Variants in ETV6 observed in about 807,000 individuals in gnomAD.
ETV6 encodes the protein transcription factor ETV6.
ETV6 carries 16 observed loss-of-function variants against 51.1 expected under a neutral mutation model. The ratio of observed to expected loss-of-function variants is 0.31; its 90% CI spans 0.21 to 0.48. The LOEUF (loss-of-function observed/expected upper bound fraction) is 0.48. ETV6 is among the 20% of genes least tolerant of loss of function. The probability of loss-of-function intolerance (pLI) is 0.99; values close to 1 mark genes in which losing one functional copy is unlikely to be tolerated. For missense variants in ETV6, 458 were observed against 594.8 expected (o/e 0.77, Z 2.39); for synonymous variants, 240 against 224.1 (o/e 1.07, Z -0.64).
At chr12:11,776,457 C>T (rs1017939682) in intron 2 of ETV6, among the ~76,000 whole-genome samples, 5 of 151,360 alleles carry the variant, frequency 3.3e-5, no homozygotes, top group Admixed American at 1.3e-4. Context: ...GTTTCCCAGG[C>T]TGGTCTCCAA....
chr12:11,849,065 TA>T (rs1565550480), intron 3 of ETV6, among the ~76,000 whole-genome samples: 1 of 152,216 alleles, frequency 6.6e-6, no homozygotes, highest in Admixed American at 6.5e-5. Flanking sequence ...CAAATAAATA[TA>T]ACATTTTTAA....
intron 2 of ETV6, among the ~76,000 whole-genome samples, chr12:11,814,961 G>A (rs1382108370): frequency 1.3e-5 from 2 of 152,112 alleles, no homozygotes; most frequent in African/African-American, 2.4e-5. Flanking sequence ...CAGCTTCAGC[G>A]CAGAAAACCC....
chr12:11,765,975 G>A (rs1024673375), intron 2 of ETV6, among the ~76,000 whole-genome samples: 1 of 152,176 alleles, frequency 6.6e-6, no homozygotes, highest in African/African-American at 2.4e-5. Context: ...CTTCATGAAA[G>A]CCGCAGGTAC....
chr12:11,752,395 C>A, intron 1 of ETV6, 55 bp from the exon 2 acceptor site: 2 of 1,573,232 alleles, frequency 1.3e-6, no homozygotes, highest in South Asian at 1.2e-5. Flanking sequence ...TACCTCCATT[C>A]CAAGCTTTCA....
chr12:11,688,533 G>A (rs556973526), intron 1 of ETV6, among the ~76,000 whole-genome samples: 1 of 152,314 alleles, frequency 6.6e-6, no homozygotes, highest in South Asian at 2.1e-4. Flanking sequence ...CTGTCCCACT[G>A]GTGATAAGCT....
intron 1 of ETV6, among the ~76,000 whole-genome samples, chr12:11,666,717 T>C (rs1447579797): frequency 6.6e-6 from 1 of 152,226 alleles, no homozygotes; most frequent in East Asian, 1.9e-4. Flanking sequence ...TGAAAACTTT[T>C]AGCTTCCTGA....
At chr12:11,693,352 T>TTCAGTTTTAC (rs1864805842) in intron 1 of ETV6, among the ~76,000 whole-genome samples, 1 of 152,178 alleles carries the variant, frequency 6.6e-6, no homozygotes, top group African/African-American at 2.4e-5. Context: ...TGTGAGTCTC[T>TTCAGTTTTAC]TCAGTTTTGG....
At chr12:11,711,060 A>G (rs1262182839) in intron 1 of ETV6, among the ~76,000 whole-genome samples, 1 of 152,184 alleles carries the variant, frequency 6.6e-6, no homozygotes, top group Non-Finnish European at 1.5e-5. Flanking sequence ...GACCACAGCA[A>G]ATGTTAAATA....
chr12:11,652,123 T>G (rs1863917947), intron 1 of ETV6, among the ~76,000 whole-genome samples: 1 of 152,266 alleles, frequency 6.6e-6, no homozygotes, highest in African/African-American at 2.4e-5. Flanking sequence ...AGGGTGCCTC[T>G]TTTCATTACT....
intron 2 of ETV6, among the ~76,000 whole-genome samples, chr12:11,820,841 G>A (rs763822115): frequency 3.7e-4 from 57 of 152,192 alleles, no homozygotes; most frequent in Non-Finnish European, 6.5e-4. Flanking sequence ...AAACAGAGGA[G>A]TGATGTGATT....
chr12:11,678,301 C>T (rs1179743623), intron 1 of ETV6, among the ~76,000 whole-genome samples: 2 of 152,132 alleles, frequency 1.3e-5, no homozygotes, highest in African/African-American at 4.8e-5. Context: ...TGATCAACTG[C>T]CCGAGGTAAA....
rs375251685 is a variant in ETV6 at position 11,681,734 on chromosome 12, A to C, written c.33+31574A>C. On this transcript the variant is annotated intron_variant, in intron 1 of 7. Transcript: ENST00000396373. ...GCTATTTCTCTCCTAGCCCCCACCC[A>C]CTGACAGGCCCCAGTGTGTGATGTT... Among the ~76,000 whole-genome samples, 9 of 151,994 alleles carry C rather than the reference A, an allele frequency of 5.9e-5. No individual in the cohort carries two copies. The South Asian group carries it at 8.3e-4, about 14-fold the overall frequency.
At chr12:11,810,517 T>C (rs755474541) in intron 2 of ETV6, among the ~76,000 whole-genome samples, 1 of 152,126 alleles carries the variant, frequency 6.6e-6, no homozygotes, top group East Asian at 1.9e-4. Flanking sequence ...CTAAATATCA[T>C]GGAGGGCAAA....
chr12:11,710,073 G>A (rs1865145161), intron 1 of ETV6, among the ~76,000 whole-genome samples: 1 of 152,200 alleles, frequency 6.6e-6, no homozygotes, highest in Non-Finnish European at 1.5e-5. Flanking sequence ...GAGGTCAGCA[G>A]TATATTAGGC....
At chr12:11,742,034 A>G (rs1483235468) in intron 1 of ETV6, among the ~76,000 whole-genome samples, 1 of 152,218 alleles carries the variant, frequency 6.6e-6, no homozygotes. Flanking sequence ...CTGAATTGTT[A>G]GCTGATCTTG....
Position 11,884,446 on chromosome 12 carries a change from C to T in ETV6, c.1011C>T (p.Asp337=). 2 of 1,614,222 alleles carry T rather than the reference C, an allele frequency of 1.2e-6. No homozygotes were observed. The highest frequency in any genetic ancestry group is 1.7e-6 in the Non-Finnish European group (2 of 1,180,034). ...EHAMPIGRIA[D]CRLLWDYVYQ... The stretch of plus-strand genomic sequence containing the variant: ...TTTTCTTGCCCTTTTCCTCTGTAGA[C>T]TGTAGACTGCTTTGGGATTACGTCT... The change falls in exon 6 of 8, where the codon GAC becomes GAT. Residue 337 remains aspartate (D), a splice_region_variant and synonymous_variant. Coordinates refer to ENST00000396373, the MANE Select transcript of ETV6 (RefSeq NM_001987.5).
chr12:11,829,370 C>T (rs1440753517), intron 2 of ETV6, among the ~76,000 whole-genome samples: 1 of 152,206 alleles, frequency 6.6e-6, no homozygotes. Flanking sequence ...GAGGTAAGTA[C>T]TATTCTGGAC....
intron 1 of ETV6, 119 bp from the exon 2 acceptor site, chr12:11,752,331 C>T: frequency 9.9e-7 from 1 of 1,011,640 alleles, no homozygotes; most frequent in South Asian, 1.5e-5. Flanking sequence ...GCTTGGGAAG[C>T]TGGTACTGCC....
chr12:11,690,367 T>C (rs1312061921), intron 1 of ETV6, among the ~76,000 whole-genome samples: 2 of 152,120 alleles, frequency 1.3e-5, no homozygotes, highest in Non-Finnish European at 2.9e-5. Context: ...TGTTTCTCTT[T>C]TGATATTGGA....
Sources: allele counts gnomAD v4.1 joint callset (sites outside exome capture counted in the v4.1 genomes callset), GRCh38; gene constraint gnomAD v4.1.1; transcripts MANE v1.5; gene names NCBI Gene and HGNC (gene_info 2026-07-23, HGNC 2026-07-21).